CEACAM5: variants seen among roughly 807,000 people sequenced by gnomAD.
The protein encoded by CEACAM5 is cell adhesion molecule CEACAM5.
A neutral mutation model predicts 63.0 loss-of-function variants in CEACAM5; 52 were observed. The observed-to-expected ratio is 0.83, with a 90% CI of 0.66 to 1.04. The LOEUF (loss-of-function observed/expected upper bound fraction) is 1.04. Ranked by LOEUF, CEACAM5 falls within the 50% of genes least tolerant of loss-of-function variation. The probability of loss-of-function intolerance (pLI) is 0.00; values close to 1 mark genes in which losing one functional copy is unlikely to be tolerated. For synonymous variants in CEACAM5, 357 were observed against 351.3 expected (o/e 1.02, Z -0.18); for missense variants, 790 against 864.8 (o/e 0.91, Z 1.08).
rs563898682 is a variant in CEACAM5, at chr19:41,723,904, G to A, written c.2026+2728G>A. Among the ~76,000 whole-genome samples the A allele has an allele frequency of 5.4e-5, 8 of 147,734 alleles. No individual in the cohort carries two copies. The East Asian group carries it at 5.9e-4, about 11-fold the overall frequency. ...GCATAGCTTGCAGTGAGCTGAGATC[G>A]CACCACTGCACTCCAGCCAGGGTGA... On this transcript the variant is annotated intron_variant, in intron 8 of 9. Coordinates refer to ENST00000221992, the MANE Select transcript of CEACAM5 (RefSeq NM_004363.6).
chr19:41,723,938 G>A (rs1160940214), intron 8 of CEACAM5, among the ~76,000 whole-genome samples: 4 of 135,002 alleles, frequency 3.0e-5, no homozygotes, highest in Admixed American at 2.4e-4. Context: ...GACAGAGCGA[G>A]ACTCTGTCAA....
rs1555815261 is a variant in CEACAM5, at chr19:41,717,567, G to C, written c.1071G>C (p.Trp357Cys). ...PEIQNTTYLW[W>C]VNNQSLPVSP... is the part of the protein sequence containing the mutation. ...TTCAGAACACAACCTACCTGTGGTG[G>C]GTAAATAATCAGAGCCTCCCGGTCA... The change falls in exon 5 of 10, where the codon TGG (tryptophan) becomes TGC (cysteine). Residue 357 changes from tryptophan to cysteine, a missense_variant. By Grantham distance (215) the Trp-to-Cys change is radical. Transcript: ENST00000221992. 1 of 1,614,162 alleles carries C rather than the reference G, an allele frequency of 6.2e-7. No individual in the cohort carries two copies. Among genetic ancestry groups the C allele is most frequent in the Admixed American group, 1.7e-5 (1 of 60,016 alleles).
intron 7 of CEACAM5, 114 bp downstream of exon 7, chr19:41,720,322 A>G: frequency 7.6e-7 from 1 of 1,315,794 alleles, no homozygotes; most frequent in Admixed American, 2.1e-5. Context: ...ACCCCTGGAC[A>G]CCCAGGCTGG....
Position 41,730,112 on chromosome 19 carries a change from C to G in CEACAM5, c.*965C>G, listed in dbSNP as rs2122858624. On this transcript the variant is annotated 3_prime_UTR_variant, in exon 10 of 10. Transcript: ENST00000221992. ...TGAGATTCCTTATAAAAACTTCCAGCAAAGCAACTTTAAAAAAGTCTGTGT... is the reference window on the plus strand; with the variant it reads ...TGAGATTCCTTATAAAAACTTCCAGGAAAGCAACTTTAAAAAAGTCTGTGT... Among the ~76,000 whole-genome samples, 1 of 152,264 alleles carries G rather than the reference C, an allele frequency of 6.6e-6. No individual in the cohort carries two copies. The highest frequency in any genetic ancestry group is 1.9e-4 in the East Asian group (1 of 5,178).
chr19:41,723,052 T>C (rs913677072), intron 8 of CEACAM5, among the ~76,000 whole-genome samples: 1 of 151,618 alleles, frequency 6.6e-6, no homozygotes, highest in Non-Finnish European at 1.5e-5. Context: ...GGACTACAGG[T>C]GCCCGCCAAC....
intron 8 of CEACAM5, among the ~76,000 whole-genome samples, chr19:41,723,814 T>G (rs1555816655): frequency 6.6e-6 from 1 of 151,462 alleles, no homozygotes; most frequent in Non-Finnish European, 1.5e-5. Flanking sequence ...CCAGGCGTGG[T>G]GGTGGGCGCC....
At chr19:41,727,204 T>C in intron 8 of CEACAM5, 30 bp from the exon 9 acceptor site, 1 of 1,545,148 alleles carries the variant, frequency 6.5e-7, no homozygotes, top group Non-Finnish European at 9.0e-7. Context: ...ATTCATTCCT[T>C]CTCTTTTCTT....
At position 41,729,529 on chromosome 19, in the gene CEACAM5, G is replaced by A. The variant is rs914120020; in HGVS notation, c.*382G>A. The A allele has an allele frequency of 6.6e-6, 1 of 152,120 alleles. No homozygotes were observed. The highest frequency in any genetic ancestry group is 1.5e-5 in the Non-Finnish European group (1 of 68,028). The allele number at this position is 152,120 out of a possible 1,614,324, so 9.4% of individuals were successfully genotyped here. A position where few individuals can be genotyped will look rare whatever the true frequency, so the allele number is the denominator to read the frequency against. ...CTCTGACCTGTACTCTTGAATACAA[G>A]TTTCTGATACCACTGCACTGTCTGA... On this transcript the variant is annotated 3_prime_UTR_variant, in exon 10 of 10. Coordinates refer to ENST00000221992, the MANE Select transcript of CEACAM5 (RefSeq NM_004363.6).
At chr19:41,722,935 T>G (rs782478265) in intron 8 of CEACAM5, among the ~76,000 whole-genome samples, 4 of 152,154 alleles carry the variant, frequency 2.6e-5, no homozygotes, top group Non-Finnish European at 5.9e-5. Flanking sequence ...TGAGATGGAG[T>G]CTCGCTCTGT....
At chr19:41,714,829 T>C (rs1420544896) in intron 2 of CEACAM5, 142 bp from the exon 3 acceptor site, 89 of 1,452,076 alleles carry the variant, frequency 6.1e-5, no homozygotes, top group Non-Finnish European at 8.0e-5. Context: ...ATCGTGCATC[T>C]GTCTTGTGAC....
chr19:41,730,355 G>T lies in CEACAM5; in HGVS notation c.*1208G>T, dbSNP rs2072754111. Reference sequence around the variant, plus strand: ...GAGAACGGCATGAACCCGGGAGGCAGGGCTTGCAGTGAGCCAAGATCATGC... The same window carrying T: ...GAGAACGGCATGAACCCGGGAGGCATGGCTTGCAGTGAGCCAAGATCATGC... On this transcript the variant is annotated 3_prime_UTR_variant, in exon 10 of 10. Coordinates refer to ENST00000221992, the MANE Select transcript of CEACAM5 (RefSeq NM_004363.6). Among the ~76,000 whole-genome samples the T allele has an allele frequency of 6.6e-6, 1 of 151,294 alleles. No homozygotes were observed. The highest frequency in any genetic ancestry group is 6.6e-5 in the Admixed American group (1 of 15,182).
In CEACAM5 at chr19:41,715,563, T is replaced by G. The variant is rs781880799; in HGVS notation, c.704-87T>G. On this transcript the variant is annotated intron_variant, in intron 3 of 9. Transcript: ENST00000221992. ...GAGACTTTAGGATTGTGATTCAGCT[T>G]AGAGGGACACTGTGGTCCTTCCATA... 60 of 1,526,728 alleles carry G rather than the reference T, an allele frequency of 3.9e-5. 1 individual carries two copies. The highest frequency in any genetic ancestry group is 3.0e-4 in the South Asian group (26 of 85,586). The allele number at this position is 1,526,728 out of a possible 1,614,324, so 94.6% of individuals were successfully genotyped here.
In CEACAM5 at chr19:41,727,331, T is replaced by A. The variant is rs1284747761; in HGVS notation, c.*15T>A. ...CTCTGATATAGCAGCCCTGGTGTAG[T>A]TTCTTCATTTCAGGAAGACTGGTAG... On this transcript the variant is annotated 3_prime_UTR_variant, in exon 9 of 10. Coordinates refer to ENST00000221992, the MANE Select transcript of CEACAM5 (RefSeq NM_004363.6). The A allele has an allele frequency of 6.3e-7, 1 of 1,589,416 alleles. No individual in the cohort carries two copies. Among genetic ancestry groups the A allele is most frequent in the East Asian group, 2.2e-5 (1 of 44,782 alleles).
In CEACAM5 at chr19:41,719,971, C is replaced by T. The variant is rs1490598601; in HGVS notation, c.1534C>T (p.Pro512Ser). ...KPSISSNNSKPVEDKDAVAFT... is the reference protein window; with the variant it reads ...KPSISSNNSKSVEDKDAVAFT... ...CTCCATCTCCAGCAACAACTCCAAA[C>T]CCGTGGAGGACAAGGATGCTGTGGC... is the stretch of plus-strand genomic sequence containing the variant. The change falls in exon 7 of 10, where the codon CCC (proline) becomes TCC (serine). Residue 512 changes from proline to serine, a missense_variant. Coordinates refer to ENST00000221992, the MANE Select transcript of CEACAM5 (RefSeq NM_004363.6). 1 of 1,614,124 alleles carries T rather than the reference C, an allele frequency of 6.2e-7. No homozygotes were observed.
At chr19:41,717,400 C>T (rs1268652410) in intron 4 of CEACAM5, 55 bp from the exon 5 acceptor site, 7 of 1,566,390 alleles carry the variant, frequency 4.5e-6, no homozygotes, top group African/African-American at 1.4e-5. Context: ...GATAGATGCC[C>T]GTGGAGGAAT....
At chr19:41,710,817 AATG>A (rs1226556267) in intron 2 of CEACAM5, among the ~76,000 whole-genome samples, 1 of 152,160 alleles carries the variant, frequency 6.6e-6, no homozygotes, top group Non-Finnish European at 1.5e-5. Flanking sequence ...AATAAACATA[AATG>A]ATGTTCATTT....
chr19:41,727,104 C>T, intron 8 of CEACAM5, 130 bp from the exon 9 acceptor site: 1 of 783,040 alleles, frequency 1.3e-6, no homozygotes, highest in Admixed American at 1.8e-5. Flanking sequence ...AACTTTCCCA[C>T]AAAACTAATG....
intron 2 of CEACAM5, among the ~76,000 whole-genome samples, chr19:41,714,082 G>A (rs2072479764): frequency 6.6e-6 from 1 of 152,140 alleles, no homozygotes; most frequent in African/African-American, 2.4e-5. Flanking sequence ...GGGTGTGGTG[G>A]TGGGCGCCTG....
At chr19:41,720,460 T>C (rs1235246552) in intron 7 of CEACAM5, among the ~76,000 whole-genome samples, 1 of 150,892 alleles carries the variant, frequency 6.6e-6, no homozygotes, top group Non-Finnish European at 1.5e-5. Context: ...GATGAACGTC[T>C]CAGACCCAGA....
Sources: gnomAD v4.1 joint callset for allele counts (sites outside exome capture counted in the v4.1 genomes callset) on GRCh38, gnomAD v4.1.1 for gene constraint, MANE v1.5 for transcripts, NCBI Gene and HGNC (gene_info 2026-07-23, HGNC 2026-07-21) for gene names.